The following MARCHF4 variants were observed in gnomAD, a reference collection of about 807,000 sequenced individuals.
The protein encoded by MARCHF4 is E3 ubiquitin-protein ligase MARCHF4.
Under a neutral mutation model 43.9 loss-of-function variants are expected in MARCHF4, and 14 were observed. That is an observed-to-expected ratio of 0.32 (90% CI 0.21 to 0.50). MARCHF4 has a LOEUF of 0.50. MARCHF4 is among the 20% of genes least tolerant of loss of function. MARCHF4 has a pLI of 0.98. For synonymous variants in MARCHF4, 226 were observed against 213.3 expected (o/e 1.06, Z -0.52); for missense variants, 468 against 536.7 (o/e 0.87, Z 1.27).
chr2:216,294,402 AT>A (rs1691358513), intron 1 of MARCHF4, among the ~76,000 whole-genome samples: 1 of 152,256 alleles, frequency 6.6e-6, no homozygotes, highest in South Asian at 2.1e-4. Flanking sequence ...GAAACAGCAG[AT>A]GTTGCAAGTG....
chr2:216,267,404 C>A (rs55767685), intron 3 of MARCHF4, among the ~76,000 whole-genome samples: 20,802 of 152,196 alleles, frequency 0.14, 1,470 homozygotes, highest in South Asian at 0.24. Flanking sequence ...AAGACGACTT[C>A]TTCATGCTCT....
At chr2:216,301,324 C>T (rs1691489947) in intron 1 of MARCHF4, among the ~76,000 whole-genome samples, 1 of 152,238 alleles carries the variant, frequency 6.6e-6, no homozygotes, top group South Asian at 2.1e-4. Context: ...GAAGGACCTT[C>T]TCACACTTGG....
intron 1 of MARCHF4, among the ~76,000 whole-genome samples, chr2:216,285,969 A>C (rs73988347): frequency 0.095 from 14,402 of 152,242 alleles, 933 homozygotes; most frequent in African/African-American, 0.18. Flanking sequence ...CAGCCAAGAG[A>C]CAAGGCAGGA....
At chr2:216,287,253 G>A (rs1017107584) in intron 1 of MARCHF4, among the ~76,000 whole-genome samples, 2 of 152,144 alleles carry the variant, frequency 1.3e-5, no homozygotes, top group Non-Finnish European at 1.5e-5. Context: ...GCACATCAGC[G>A]ATGTACAATT....
chr2:216,259,364 C>G lies in MARCHF4; in HGVS notation c.1181G>C (p.Arg394Pro). The G allele has an allele frequency of 1.3e-6, 2 of 1,591,982 alleles. No individual in the cohort carries two copies. The highest frequency in any genetic ancestry group is 1.1e-5 in the South Asian group (1 of 88,664). The change falls in exon 4 of 4, where the codon CGA (arginine) becomes CCA (proline). Residue 394 changes from arginine (R) to proline (P), a missense_variant. Physicochemically the swap from Arg to Pro is moderately radical, Grantham distance 103 (BLOSUM62 -2). Transcript: ENST00000273067. ...ILSHLRPHEQ[R>P]SPPGSSRELV... ...CTCTCGGCTGCTGCCTGGGGGACTTCGCTGTTCATGAGGTCTCAAGTGACT... is the reference window on the plus strand; with the variant it reads ...CTCTCGGCTGCTGCCTGGGGGACTTGGCTGTTCATGAGGTCTCAAGTGACT...
At chr2:216,358,840 C>T (rs990147023) in intron 1 of MARCHF4, among the ~76,000 whole-genome samples, 5 of 152,166 alleles carry the variant, frequency 3.3e-5, no homozygotes, top group African/African-American at 7.2e-5. Flanking sequence ...AAAAGTGATA[C>T]GTCATTCCTG....
At position 216,370,652 on chromosome 2, in the gene MARCHF4, G is replaced by T. The variant is rs1434828359; in HGVS notation, c.-392C>A. The T allele has an allele frequency of 5.9e-6, 1 of 170,108 alleles. No homozygotes were observed. Among genetic ancestry groups the T allele is most frequent in the Admixed American group, 6.3e-5 (1 of 15,914 alleles). The allele number at this position is 170,108 out of a possible 1,614,324, so 10.5% of individuals were successfully genotyped here. On this transcript the variant is annotated 5_prime_UTR_variant, in exon 1 of 4. Transcript: ENST00000273067. ...TAAATCAATGTCGAATTGTTTAAAA[G>T]TTCCCCAGGAAAGGATTATTGGGTT...
chr2:216,358,363 C>G (rs1157335884), intron 1 of MARCHF4, among the ~76,000 whole-genome samples: 2 of 152,118 alleles, frequency 1.3e-5, no homozygotes, highest in Non-Finnish European at 2.9e-5. Context: ...CAGGAACAGT[C>G]TTCATTTTCT....
At chr2:216,304,087 C>T (rs369116893) in intron 1 of MARCHF4, among the ~76,000 whole-genome samples, 55 of 152,216 alleles carry the variant, frequency 3.6e-4, no homozygotes, top group African/African-American at 1.2e-3. Flanking sequence ...CATGGGGGTA[C>T]TCAGGTTACT....
chr2:216,330,422 C>T (rs989695353), intron 1 of MARCHF4, among the ~76,000 whole-genome samples: 3 of 152,122 alleles, frequency 2.0e-5, no homozygotes, highest in Non-Finnish European at 4.4e-5. Context: ...CAGAGGGAAA[C>T]TTTACCACAT....
rs186204890 is a variant in MARCHF4 at position 216,369,785 on chromosome 2, C to T, written c.476G>A (p.Arg159Lys). The part of the protein sequence containing the change: ...SLGSSLDSGM[R>K]TPLCRICFQG... ...GAAGCAGATGCGGCAGAGTGGGGTC[C>T]TCATACCACTGTCCAAGCTGCTGCC... The change falls in exon 1 of 4, where the codon AGG becomes AAG. Residue 159 changes from arginine (R) to lysine (K), a missense_variant. Arg to Lys is a conservative substitution (Grantham distance 26). Transcript: ENST00000273067. 7.5e-5 allele frequency: 120 copies of T among 1,610,110 alleles called. No homozygotes were observed. Among genetic ancestry groups the T allele is most frequent in the Non-Finnish European group, 9.6e-5 (113 of 1,177,514 alleles).
intron 1 of MARCHF4, among the ~76,000 whole-genome samples, chr2:216,298,498 T>C (rs112248455): frequency 0.05 from 7,586 of 152,122 alleles, 619 homozygotes; most frequent in African/African-American, 0.17. Context: ...ACTCCTGGGC[T>C]CAAGAGATTC....
intron 1 of MARCHF4, among the ~76,000 whole-genome samples, chr2:216,334,664 G>C (rs1005865634): frequency 6.6e-6 from 1 of 152,180 alleles, no homozygotes; most frequent in Non-Finnish European, 1.5e-5. Flanking sequence ...GCCTCCCAAA[G>C]CACTGGGATT....
chr2:216,355,911 C>T (rs1692494390), intron 1 of MARCHF4, among the ~76,000 whole-genome samples: 1 of 152,168 alleles, frequency 6.6e-6, no homozygotes, highest in African/African-American at 2.4e-5. Context: ...TACCCACAAG[C>T]ACACATACAA....
chr2:216,367,080 A>C (rs761804166), intron 1 of MARCHF4, among the ~76,000 whole-genome samples: 1 of 152,144 alleles, frequency 6.6e-6, no homozygotes, highest in Non-Finnish European at 1.5e-5. Flanking sequence ...ATTTTTTGGC[A>C]GTCGTTTAGC....
chr2:216,354,911 CT>C (rs780649882), intron 1 of MARCHF4, among the ~76,000 whole-genome samples: 8 of 82,740 alleles, frequency 9.7e-5, no homozygotes, highest in Non-Finnish European at 1.6e-4. Context: ...TTCTTTCTTT[CT>C]TTCTTTCTTT....
At chr2:216,286,035 C>G (rs1046948203) in intron 1 of MARCHF4, among the ~76,000 whole-genome samples, 3 of 152,130 alleles carry the variant, frequency 2.0e-5, no homozygotes, top group African/African-American at 7.2e-5. Flanking sequence ...GTTGTGGGAC[C>G]ATTGGGGCTC....
At chr2:216,263,510 AGAGAGAGAGAGAGAGAGAGAGAGAG>A (rs1690783131) in intron 3 of MARCHF4, among the ~76,000 whole-genome samples, 3 of 127,840 alleles carry the variant, frequency 2.3e-5, no homozygotes, top group Non-Finnish European at 4.7e-5. Flanking sequence ...AGAGAGAGAG[AGAGAGAGAGAGAGAGAGAGAGAGAG>A]AGAAAGAGAG....
intron 1 of MARCHF4, among the ~76,000 whole-genome samples, chr2:216,333,595 C>A (rs1245480862): frequency 6.6e-6 from 1 of 152,154 alleles, no homozygotes; most frequent in African/African-American, 2.4e-5. Context: ...ACATGCATGC[C>A]CCACGTCCCA....
Sources: gnomAD v4.1 joint callset for allele counts (sites outside exome capture counted in the v4.1 genomes callset) on GRCh38, gnomAD v4.1.1 for gene constraint, MANE v1.5 for transcripts, NCBI Gene and HGNC (gene_info 2026-07-23, HGNC 2026-07-21) for gene names.